ANKRD31: variants seen among roughly 807,000 people sequenced by gnomAD.
The protein encoded by ANKRD31 is ankyrin repeat domain 31, also known as ankyrin repeat domain-containing protein 31.
A neutral mutation model predicts 186.0 loss-of-function variants in ANKRD31; 147 were observed. The observed-to-expected ratio is 0.79, with a 90% CI of 0.69 to 0.91. The LOEUF is 0.91. ANKRD31 is among the 40% of genes least tolerant of loss of function. The pLI is 0.00. For missense variants in ANKRD31, 1,986 were observed against 2,148.8 expected (o/e 0.92, Z 1.50); for synonymous variants, 673 against 736.4 (o/e 0.91, Z 1.39).
chr5:75,107,663 T>G, intron 20 of ANKRD31, 46 bp from the exon 21 acceptor site: 49 of 1,044,510 alleles, frequency 4.7e-5, no homozygotes, highest in Non-Finnish European at 5.4e-5. Context: ...GGAGAGTGAA[T>G]GTCAAATTTG....
At chr5:75,113,838 T>C (rs530076402) in intron 19 of ANKRD31, among the ~76,000 whole-genome samples, 4 of 152,160 alleles carry the variant, frequency 2.6e-5, no homozygotes, top group Non-Finnish European at 5.9e-5. Context: ...TACCGCTTCA[T>C]ACAGTGAATG....
At chr5:75,115,253 C>A (rs1748121871) in intron 19 of ANKRD31, among the ~76,000 whole-genome samples, 2 of 149,984 alleles carry the variant, frequency 1.3e-5, no homozygotes, top group Admixed American at 1.3e-4. Context: ...ATACAAAAAT[C>A]AATTCAAGAT....
intron 1 of ANKRD31, among the ~76,000 whole-genome samples, chr5:75,235,330 C>T (rs1758200088): frequency 6.8e-6 from 1 of 147,282 alleles, no homozygotes; most frequent in African/African-American, 2.5e-5. Context: ...ATAGCAACCT[C>T]TGCCTGTTTC....
In ANKRD31 at chr5:75,146,692, A is replaced by AGC; in HGVS notation, c.2717_2718dup (p.Ser907AlafsTer8). ...GATGTTATAGCCTTCTCAGAGGTAGAGCAATCATCATCATCATCATTATCA... is the reference window on the plus strand; with the variant it reads ...GATGTTATAGCCTTCTCAGAGGTAGAGCGCAATCATCATCATCATCATTATCA... On this transcript the variant is annotated frameshift_variant, in exon 14 of 26. Coordinates refer to ENST00000506364, the MANE Select transcript of ANKRD31 (RefSeq NM_001372053.1). LOFTEE classifies it high-confidence loss of function. The AGC allele has an allele frequency of 6.5e-7, 1 of 1,536,266 alleles. No homozygotes were observed. The highest frequency in any genetic ancestry group is 2.4e-5 in the East Asian group (1 of 40,876).
chr5:75,122,294 CAA>C (rs55978112), intron 17 of ANKRD31, among the ~76,000 whole-genome samples: 1 of 148,044 alleles, frequency 6.8e-6, no homozygotes. Context: ...ATCCTCCCAA[CAA>C]AAAAAAAAGC....
intron 17 of ANKRD31, among the ~76,000 whole-genome samples, chr5:75,130,230 G>C (rs1345687491): frequency 6.6e-6 from 1 of 152,198 alleles, no homozygotes. Flanking sequence ...GGTCTCGCTG[G>C]CTTCAAGAGT....
At position 75,146,106 on chromosome 5, in the gene ANKRD31, T is replaced by C. The variant is rs1246309363; in HGVS notation, c.3305A>G (p.His1102Arg). 8 of 1,535,854 alleles carry C rather than the reference T, an allele frequency of 5.2e-6. No individual in the cohort carries two copies. Among genetic ancestry groups the C allele is most frequent in the Admixed American group, 3.9e-5 (2 of 50,874 alleles). The change falls in exon 14 of 26, where the codon CAT (histidine) becomes CGT (arginine). Residue 1102 changes from histidine to arginine, a missense_variant. Physicochemically the swap from His to Arg is conservative, Grantham distance 29. Coordinates refer to ENST00000506364, the MANE Select transcript of ANKRD31 (RefSeq NM_001372053.1). ...TTKVEKRRQN[H>R]LESETIHNID... ...ATTGTGTATAGTCTCACTTTCTAGA[T>C]GGTTTTGTCTCCTTTTTTCAACTTT... is the stretch of plus-strand genomic sequence containing the variant.
intron 16 of ANKRD31, among the ~76,000 whole-genome samples, chr5:75,138,255 A>G (rs1156385423): frequency 6.6e-6 from 1 of 152,180 alleles, no homozygotes; most frequent in Non-Finnish European, 1.5e-5. Context: ...GCAAAACACA[A>G]TGAGAGTAAA....
chr5:75,125,022 C>G (rs1388516026), intron 17 of ANKRD31, among the ~76,000 whole-genome samples: 2 of 152,256 alleles, frequency 1.3e-5, no homozygotes, highest in African/African-American at 4.8e-5. Flanking sequence ...ACAAACCTCA[C>G]TCCTGGTACT....
At chr5:75,112,018 T>C (rs962137255) in intron 20 of ANKRD31, among the ~76,000 whole-genome samples, 1 of 152,190 alleles carries the variant, frequency 6.6e-6, no homozygotes, top group African/African-American at 2.4e-5. Context: ...TTTTCTGTCA[T>C]AGGATTATCT....
At chr5:75,177,322 C>T (rs1319806962) in intron 10 of ANKRD31, among the ~76,000 whole-genome samples, 1 of 152,124 alleles carries the variant, frequency 6.6e-6, no homozygotes, top group Non-Finnish European at 1.5e-5. Context: ...GGATATTATC[C>T]AGGAGAACTT....
At chr5:75,166,529 T>C (rs537327909) in intron 11 of ANKRD31, among the ~76,000 whole-genome samples, 1 of 152,204 alleles carries the variant, frequency 6.6e-6, no homozygotes, top group East Asian at 1.9e-4. Flanking sequence ...ATAAAATGAA[T>C]AATCACCATG....
At chr5:75,080,344 T>C (rs1012160215) in intron 25 of ANKRD31, among the ~76,000 whole-genome samples, 48 of 152,342 alleles carry the variant, frequency 3.2e-4, no homozygotes, top group African/African-American at 1.2e-3. Context: ...AAAGCTATGG[T>C]GTGCCAGGCA....
At chr5:75,223,652 G>A (rs1757436143) in intron 2 of ANKRD31, among the ~76,000 whole-genome samples, 1 of 152,218 alleles carries the variant, frequency 6.6e-6, no homozygotes, top group Non-Finnish European at 1.5e-5. Context: ...TGGATTCAAG[G>A]AAACCCAAAC....
chr5:75,188,397 T>G, intron 10 of ANKRD31, 96 bp downstream of exon 10: 1 of 1,215,250 alleles, frequency 8.2e-7, no homozygotes, highest in Non-Finnish European at 1.1e-6. Flanking sequence ...TGTTTGGAAC[T>G]TACCTTAGGC....
chr5:75,122,251 G>T (rs1269250671), intron 17 of ANKRD31, among the ~76,000 whole-genome samples: 2 of 149,870 alleles, frequency 1.3e-5, no homozygotes, highest in African/African-American at 5.0e-5. Context: ...GAACCTTGAA[G>T]AACTAGATAT....
At chr5:75,114,494 G>A (rs1039460578) in intron 19 of ANKRD31, among the ~76,000 whole-genome samples, 1 of 152,130 alleles carries the variant, frequency 6.6e-6, no homozygotes, top group Non-Finnish European at 1.5e-5. Flanking sequence ...CATTGATTTT[G>A]TATCCTGAGA....
At chr5:75,073,189 T>C (rs1346519886) in intron 25 of ANKRD31, among the ~76,000 whole-genome samples, 1 of 151,916 alleles carries the variant, frequency 6.6e-6, no homozygotes, top group Non-Finnish European at 1.5e-5. Context: ...CCAAGCTACT[T>C]GGGAGGCTGA....
intron 17 of ANKRD31, among the ~76,000 whole-genome samples, chr5:75,120,258 G>A (rs1030742288): frequency 6.6e-6 from 1 of 152,066 alleles, no homozygotes. Context: ...AGCTGGGTGT[G>A]GTGGCACACA....
Sources: allele counts gnomAD v4.1 joint callset (sites outside exome capture counted in the v4.1 genomes callset), GRCh38; gene constraint gnomAD v4.1.1; transcripts MANE v1.5; gene names NCBI Gene and HGNC (gene_info 2026-07-23, HGNC 2026-07-21).